ALDH1A2: variants seen among roughly 807,000 people sequenced by gnomAD.
ALDH1A2 encodes retinal dehydrogenase 2.
ALDH1A2 carries 27 observed loss-of-function variants against 60.3 expected under a neutral mutation model. The observed-to-expected ratio is 0.45, with a 90% CI of 0.33 to 0.62. The LOEUF (loss-of-function observed/expected upper bound fraction) is 0.62, where lower values mean the gene tolerates loss of function less well. ALDH1A2 is among the 20% of genes least tolerant of loss of function. ALDH1A2 has a pLI of 0.02. For synonymous variants in ALDH1A2, 289 were observed against 232.4 expected, an observed-to-expected ratio of 1.24 and a Z score of -2.21; for missense variants, 581 against 643.8, an observed-to-expected ratio of 0.90 and a Z score of 1.06.
At chr15:57,966,701 G>A (rs1406202114) in intron 7 of ALDH1A2, among the ~76,000 whole-genome samples, 1 of 152,234 alleles carries the variant, frequency 6.6e-6, no homozygotes. Flanking sequence ...TTTCAGCCCA[G>A]CACAGGACTG....
chr15:58,065,276 G>A (rs898190724), intron 1 of ALDH1A2: 1 of 512,360 alleles, frequency 2.0e-6, no homozygotes, highest in Non-Finnish European at 3.5e-6. Context: ...AGAGTCCGGG[G>A]CAGGAGCCGT....
intron 4 of ALDH1A2, among the ~76,000 whole-genome samples, chr15:57,997,021 A>T (rs750282391): frequency 6.6e-6 from 1 of 152,050 alleles, no homozygotes; most frequent in Non-Finnish European, 1.5e-5. Context: ...ATTTTTCCCC[A>T]ATCTGCTACT....
At chr15:58,021,437 A>C (rs1308683720) in intron 1 of ALDH1A2, among the ~76,000 whole-genome samples, 2 of 152,118 alleles carry the variant, frequency 1.3e-5, no homozygotes, top group African/African-American at 4.8e-5. Context: ...TGATTTCCCA[A>C]AGTGGGAAAT....
At chr15:58,041,203 A>C (rs1306125914) in intron 1 of ALDH1A2, among the ~76,000 whole-genome samples, 1 of 151,990 alleles carries the variant, frequency 6.6e-6, no homozygotes, top group Non-Finnish European at 1.5e-5. Flanking sequence ...CTATGCCTGC[A>C]TAACATTTAT....
At chr15:58,004,558 T>C (rs1459738434) in intron 4 of ALDH1A2, among the ~76,000 whole-genome samples, 1 of 151,610 alleles carries the variant, frequency 6.6e-6, no homozygotes, top group Non-Finnish European at 1.5e-5. Context: ...CTCTCACTTA[T>C]AAGTGAAAGC....
intron 12 of ALDH1A2, among the ~76,000 whole-genome samples, chr15:57,957,261 A>C (rs1259630928): frequency 2.0e-5 from 3 of 152,160 alleles, no homozygotes; most frequent in African/African-American, 7.2e-5. Context: ...TCTCTCCAGC[A>C]GTTCCTGAAC....
chr15:57,963,675 T>C lies in ALDH1A2; in HGVS notation c.1086+210A>G, dbSNP rs188311537. Among the ~76,000 whole-genome samples, 4 of 152,144 alleles carry C rather than the reference T, an allele frequency of 2.6e-5. No homozygotes were observed. In the East Asian group the frequency reaches 7.7e-4, roughly 29 times the overall value. On this transcript the variant is annotated intron_variant, in intron 9 of 12. Coordinates refer to ENST00000249750, the MANE Select transcript of ALDH1A2 (RefSeq NM_003888.4). ...TCTTAAAGTAATGGTAATCCCATAG[T>C]TTTTCAGAGATAAAACTTAGAAAGG...
chr15:58,011,880 T>C (rs1482346106), intron 3 of ALDH1A2, among the ~76,000 whole-genome samples: 2 of 152,238 alleles, frequency 1.3e-5, no homozygotes, highest in Non-Finnish European at 2.9e-5. Flanking sequence ...CACCAAAATC[T>C]GCACAGCTTA....
chr15:58,041,134 T>C (rs1417911027), intron 1 of ALDH1A2, among the ~76,000 whole-genome samples: 1 of 151,936 alleles, frequency 6.6e-6, no homozygotes, highest in Non-Finnish European at 1.5e-5. Flanking sequence ...TAGATTCCTT[T>C]ATAATCTGAT....
At chr15:57,995,240 A>C (rs550639196) in intron 4 of ALDH1A2, 101 bp from the exon 5 acceptor site, 4 of 826,530 alleles carry the variant, frequency 4.8e-6, no homozygotes, top group East Asian at 5.3e-5. Flanking sequence ...AAAAAAACAA[A>C]CAGAAATAAA....
intron 1 of ALDH1A2, among the ~76,000 whole-genome samples, chr15:58,049,494 T>C (rs1439268584): frequency 6.6e-6 from 1 of 152,132 alleles, no homozygotes; most frequent in Non-Finnish European, 1.5e-5. Context: ...AAGCAATCAA[T>C]TCAAGGCAAT....
At chr15:58,037,707 T>C (rs180698179) in intron 1 of ALDH1A2, among the ~76,000 whole-genome samples, 94 of 151,812 alleles carry the variant, frequency 6.2e-4, no homozygotes, top group African/African-American at 2.1e-3. Flanking sequence ...TCAGAAGAAA[T>C]TGTACTGTCT....
In ALDH1A2 at chr15:58,065,707, G is replaced by T. The variant is rs918136544; in HGVS notation, c.-57C>A. 10 of 1,258,840 alleles carry T rather than the reference G, an allele frequency of 7.9e-6. No individual in the cohort carries two copies. The highest frequency in any genetic ancestry group is 9.8e-6 in the Non-Finnish European group (9 of 922,906). 78.0% of individuals were successfully genotyped at this position (1,258,840 alleles called of 1,614,324 possible). A position where few individuals can be genotyped will look rare whatever the true frequency, so the allele number is the denominator to read the frequency against. On this transcript the variant is annotated 5_prime_UTR_variant, in exon 1 of 13. Coordinates refer to ENST00000249750, the MANE Select transcript of ALDH1A2 (RefSeq NM_003888.4). ...GTGGGGCAGTGCGGGCTGTGCGCGC[G>T]GTCCGCGGCCCGGGGGCGCGCTCGC... is the stretch of plus-strand genomic sequence containing the variant.
chr15:57,965,013 G>T (rs1893846449), intron 8 of ALDH1A2, among the ~76,000 whole-genome samples: 1 of 143,772 alleles, frequency 7.0e-6, no homozygotes, highest in Non-Finnish European at 1.5e-5. Context: ...CAAGTGGAGG[G>T]AAAAAAAAAA....
intron 7 of ALDH1A2, among the ~76,000 whole-genome samples, chr15:57,986,244 A>C (rs569116528): frequency 2.8e-4 from 43 of 152,280 alleles, no homozygotes; most frequent in African/African-American, 7.9e-4. Flanking sequence ...TTTTGTGCCT[A>C]AACTTTCTAG....
At chr15:58,024,099 A>G (rs189949360) in intron 1 of ALDH1A2, among the ~76,000 whole-genome samples, 24 of 152,362 alleles carry the variant, frequency 1.6e-4, no homozygotes, top group Middle Eastern at 3.4e-3. Flanking sequence ...ATCTCAAAAA[A>G]AATGCTCAAA....
intron 1 of ALDH1A2, among the ~76,000 whole-genome samples, chr15:58,021,410 C>T (rs1895922781): frequency 6.6e-6 from 1 of 152,172 alleles, no homozygotes; most frequent in Non-Finnish European, 1.5e-5. Context: ...TGACTGGGAT[C>T]AGCTGGGAGC....
At chr15:58,014,913 C>T (rs1895745616) in intron 1 of ALDH1A2, among the ~76,000 whole-genome samples, 1 of 152,066 alleles carries the variant, frequency 6.6e-6, no homozygotes, top group African/African-American at 2.4e-5. Context: ...CAAATGATCA[C>T]CCCAGGATTT....
chr15:58,002,483 T>C (rs759997728), intron 4 of ALDH1A2, among the ~76,000 whole-genome samples: 12 of 151,956 alleles, frequency 7.9e-5, no homozygotes, highest in African/African-American at 2.9e-4. Flanking sequence ...ATGGAATTTT[T>C]AGTCTCATAA....
Sources: gnomAD v4.1 joint callset for allele counts (sites outside exome capture counted in the v4.1 genomes callset) on GRCh38, gnomAD v4.1.1 for gene constraint, MANE v1.5 for transcripts, NCBI Gene and HGNC (gene_info 2026-07-23, HGNC 2026-07-21) for gene names.